The following OSBPL1A variants were observed in gnomAD, a reference collection of about 807,000 sequenced individuals.
OSBPL1A encodes the protein oxysterol-binding protein-related protein 1.
In OSBPL1A, 80 loss-of-function variants were observed where a neutral mutation model predicts 137.1. The ratio of observed to expected loss-of-function variants is 0.58; its 90% CI spans 0.49 to 0.70. The LOEUF (loss-of-function observed/expected upper bound fraction) is 0.70. Among genes scored for constraint, OSBPL1A ranks in the 30% least tolerant of loss-of-function variants. The probability of loss-of-function intolerance (pLI) is 0.00; values close to 1 mark genes in which losing one functional copy is unlikely to be tolerated. For missense variants in OSBPL1A, 970 were observed against 1,129.4 expected (o/e 0.86, Z 2.02); for synonymous variants, 365 against 389.7 (o/e 0.94, Z 0.75).
intron 14 of OSBPL1A, among the ~76,000 whole-genome samples, chr18:24,292,348 A>G (rs548659046): frequency 6.6e-6 from 1 of 152,338 alleles, no homozygotes; most frequent in African/African-American, 2.4e-5. Context: ...AATATGCCAC[A>G]GTTCTGATGG....
intron 14 of OSBPL1A, among the ~76,000 whole-genome samples, chr18:24,295,315 G>A (rs2146092581): frequency 1.3e-5 from 2 of 152,274 alleles, no homozygotes; most frequent in Middle Eastern, 3.4e-3. Flanking sequence ...TCAGATACTA[G>A]TCCTTTGTTG....
At chr18:24,340,038 T>C (rs2091247395) in intron 5 of OSBPL1A, among the ~76,000 whole-genome samples, 1 of 152,228 alleles carries the variant, frequency 6.6e-6, no homozygotes, top group Admixed American at 6.5e-5. Flanking sequence ...TGCCTTTCTC[T>C]GAATTCCAAA....
intron 14 of OSBPL1A, among the ~76,000 whole-genome samples, chr18:24,298,915 G>T (rs1474909597): frequency 6.6e-6 from 1 of 152,192 alleles, no homozygotes; most frequent in African/African-American, 2.4e-5. Context: ...GAGCTCCAGT[G>T]TTAGGTGGAT....
At chr18:24,376,142 C>G (rs557635822) in intron 2 of OSBPL1A, among the ~76,000 whole-genome samples, 8 of 152,284 alleles carry the variant, frequency 5.3e-5, no homozygotes, top group African/African-American at 1.9e-4. Flanking sequence ...CTGCTGGCTC[C>G]GGCAGCCTGC....
chr18:24,384,756 G>A (rs12964378), intron 1 of OSBPL1A, among the ~76,000 whole-genome samples: 1 of 151,732 alleles, frequency 6.6e-6, no homozygotes, highest in African/African-American at 2.4e-5. Flanking sequence ...TGTAATCCCA[G>A]CTACTTGAGA....
intron 17 of OSBPL1A, among the ~76,000 whole-genome samples, 178 bp from the exon 18 acceptor site, chr18:24,196,378 T>C (rs1043421882): frequency 7.9e-5 from 12 of 152,220 alleles, no homozygotes; most frequent in Admixed American, 6.5e-4. Context: ...CTATACCTAC[T>C]TTGGCCCCTG....
chr18:24,164,951 G>A (rs1308331619), intron 27 of OSBPL1A, 114 bp downstream of exon 27: 1 of 1,018,510 alleles, frequency 9.8e-7, no homozygotes, highest in Admixed American at 2.3e-5. Context: ...AACTCGGCAG[G>A]GTTTGTGTTA....
chr18:24,379,742 G>A (rs1173465294), intron 1 of OSBPL1A, among the ~76,000 whole-genome samples: 1 of 149,460 alleles, frequency 6.7e-6, no homozygotes, highest in African/African-American at 2.5e-5. Context: ...TGGTAGGGGA[G>A]GCCTGTAGTC....
chr18:24,311,406 A>G, intron 13 of OSBPL1A: 7 of 918,762 alleles, frequency 7.6e-6, no homozygotes, highest in Non-Finnish European at 9.1e-6. Flanking sequence ...TAAAAGGTAC[A>G]GCCAGAAAAT....
intron 7 of OSBPL1A, among the ~76,000 whole-genome samples, chr18:24,331,459 C>T (rs939578045): frequency 4.7e-5 from 7 of 148,094 alleles, no homozygotes; most frequent in East Asian, 4.0e-4. Context: ...TGCAGTGGCG[C>T]GATCTCGGCT....
At chr18:24,294,890 CT>C (rs1246262696) in intron 14 of OSBPL1A, among the ~76,000 whole-genome samples, 2 of 152,112 alleles carry the variant, frequency 1.3e-5, no homozygotes, top group East Asian at 3.9e-4. Context: ...GTGCATGTGT[CT>C]TTTTCATATA....
intron 2 of OSBPL1A, among the ~76,000 whole-genome samples, chr18:24,375,483 T>G (rs928172220): frequency 6.6e-6 from 1 of 152,242 alleles, no homozygotes; most frequent in East Asian, 1.9e-4. Flanking sequence ...TATTGGCCAC[T>G]TTGCTACACA....
At chr18:24,210,094 AC>A (rs2087488050) in intron 17 of OSBPL1A, among the ~76,000 whole-genome samples, 2 of 152,176 alleles carry the variant, frequency 1.3e-5, no homozygotes, top group South Asian at 4.1e-4. Context: ...CATTTCTCAA[AC>A]TTTTGGTCTT....
chr18:24,186,408 A>T (rs1478309325), intron 18 of OSBPL1A, among the ~76,000 whole-genome samples: 1 of 152,224 alleles, frequency 6.6e-6, no homozygotes, highest in East Asian at 1.9e-4. Flanking sequence ...ATAAAGCAAC[A>T]TGTTCAAAAA....
chr18:24,317,153 C>T lies in OSBPL1A; in HGVS notation c.866G>A (p.Cys289Tyr). ...QGCKHLTQAV[C>Y]TVKSTDSCLF... Reference sequence around the variant, plus strand: ...ATGATCCATGTTTCATCCTACCGTGCATACTGCTTGAGTCAGGTGTTTGCA... The same window carrying T: ...ATGATCCATGTTTCATCCTACCGTGTATACTGCTTGAGTCAGGTGTTTGCA... The change falls in exon 11 of 28, where the codon TGC (cysteine) becomes TAC (tyrosine). Residue 289 changes from cysteine to tyrosine, a missense_variant. By Grantham distance (194) the Cys-to-Tyr change is radical (BLOSUM62 -2). This residue lies in a region of OSBPL1A where 647 missense variants were observed against 672.6 expected (regional missense o/e 0.96). Coordinates refer to ENST00000319481, the MANE Select transcript of OSBPL1A (RefSeq NM_080597.4). The T allele has an allele frequency of 6.2e-7, 1 of 1,613,808 alleles. No homozygotes were observed. The highest frequency in any genetic ancestry group is 8.5e-7 in the Non-Finnish European group (1 of 1,179,874).
intron 2 of OSBPL1A, among the ~76,000 whole-genome samples, chr18:24,377,108 G>A (rs533370856): frequency 1.2e-4 from 19 of 152,370 alleles, no homozygotes; most frequent in Admixed American, 1.0e-3. Flanking sequence ...GCCCGAAAGC[G>A]AGCGAGGTCT....
intron 13 of OSBPL1A, among the ~76,000 whole-genome samples, chr18:24,304,759 T>C (rs958042468): frequency 6.6e-6 from 1 of 152,200 alleles, no homozygotes; most frequent in Non-Finnish European, 1.5e-5. Context: ...TTATAAATTT[T>C]TTAGTGCTTA....
At chr18:24,233,653 C>G (rs1235085089) in intron 16 of OSBPL1A, among the ~76,000 whole-genome samples, 1 of 151,958 alleles carries the variant, frequency 6.6e-6, no homozygotes, top group Non-Finnish European at 1.5e-5. Context: ...CTCTCTCTCT[C>G]TCTTTCTTTC....
intron 5 of OSBPL1A, among the ~76,000 whole-genome samples, chr18:24,336,828 A>T (rs74838093): frequency 0.042 from 6,455 of 152,248 alleles, 384 homozygotes; most frequent in African/African-American, 0.14. Flanking sequence ...TGATAGCAAA[A>T]CATTACTTTG....
Sources: allele counts gnomAD v4.1 joint callset (sites outside exome capture counted in the v4.1 genomes callset), GRCh38; gene constraint gnomAD v4.1.1; regional missense constraint gnomAD v4.1.1; transcripts MANE v1.5; gene names NCBI Gene and HGNC (gene_info 2026-07-23, HGNC 2026-07-21).